CLVS1: variants seen among roughly 807,000 people sequenced by gnomAD.
The protein encoded by CLVS1 is clavesin 1.
In CLVS1, 10 loss-of-function variants were observed where a neutral mutation model predicts 33.1. That is an observed-to-expected ratio of 0.30 (90% confidence interval 0.19 to 0.51). CLVS1 has a LOEUF of 0.51. CLVS1 is among the 20% of genes least tolerant of loss of function. The pLI is 0.97. For synonymous variants in CLVS1, 163 were observed against 166.1 expected (o/e 0.98, Z 0.14); for missense variants, 343 against 433.4 (o/e 0.79, Z 1.85).
At chr8:61,321,856 G>A (rs1392669814) in intron 2 of CLVS1, among the ~76,000 whole-genome samples, 1 of 152,114 alleles carries the variant, frequency 6.6e-6, no homozygotes, top group Non-Finnish European at 1.5e-5. Flanking sequence ...TTGCTCTGCT[G>A]TCGTATTCTC....
chr8:61,348,019 T>G (rs1812299188), intron 2 of CLVS1, among the ~76,000 whole-genome samples: 1 of 151,794 alleles, frequency 6.6e-6, no homozygotes, highest in African/African-American at 2.4e-5. Flanking sequence ...AATACATTGT[T>G]ATTAACTATA....
intron 2 of CLVS1, among the ~76,000 whole-genome samples, chr8:61,211,266 G>T (rs771708187): frequency 1.2e-4 from 19 of 152,030 alleles, no homozygotes; most frequent in Non-Finnish European, 2.5e-4. Context: ...TAGAGATTCC[G>T]AGAATCCAAT....
chr8:60,995,462 A>T, the CLVS1 span, among the ~76,000 whole-genome samples: 11 of 152,226 alleles, frequency 7.2e-5, no homozygotes, highest in Non-Finnish European at 1.3e-4. Flanking sequence ...CCACAATGAG[A>T]TACCATCTCA....
chr8:61,346,095 ATAAG>A (rs1464194115), intron 2 of CLVS1, among the ~76,000 whole-genome samples: 1 of 152,236 alleles, frequency 6.6e-6, no homozygotes, highest in Non-Finnish European at 1.5e-5. Context: ...CCAAAAATAA[ATAAG>A]TAAATAAATA....
chr8:61,120,696 G>T (rs71525440), intron 1 of CLVS1, among the ~76,000 whole-genome samples: 29 of 142,140 alleles, frequency 2.0e-4, no homozygotes, highest in South Asian at 4.9e-4. Context: ...GGGGTCAGGG[G>T]TCAGGGACCC....
chr8:61,499,372 T>TAC, intron 5 of CLVS1, 83 bp from the exon 6 acceptor site: 2 of 714,582 alleles, frequency 2.8e-6, no homozygotes, highest in Non-Finnish European at 4.7e-6. Context: ...AAGAGAAATA[T>TAC]AAAATCCGGA....
intron 2 of CLVS1, among the ~76,000 whole-genome samples, chr8:61,132,034 G>A (rs1806109320): frequency 6.6e-6 from 1 of 152,234 alleles, no homozygotes; most frequent in Admixed American, 6.5e-5. Flanking sequence ...GGCACTTCCT[G>A]GGAGGTCATC....
At chr8:61,155,810 G>A (rs951142702) in intron 2 of CLVS1, among the ~76,000 whole-genome samples, 1 of 150,072 alleles carries the variant, frequency 6.7e-6, no homozygotes, top group Non-Finnish European at 1.5e-5. Flanking sequence ...AAGAAAAGGA[G>A]ACTAAAAGCC....
chr8:60,968,685 T>C, the CLVS1 span, among the ~76,000 whole-genome samples: 1 of 152,030 alleles, frequency 6.6e-6, no homozygotes, highest in Non-Finnish European at 1.5e-5. Flanking sequence ...GGCCAGGGGT[T>C]CGAGACCAGC....
chr8:61,158,929 T>G (rs1303501312), intron 2 of CLVS1, among the ~76,000 whole-genome samples: 1 of 152,232 alleles, frequency 6.6e-6, no homozygotes, highest in Non-Finnish European at 1.5e-5. Flanking sequence ...TGGGCCCAAG[T>G]GATCCTCCCA....
At chr8:61,091,156 T>G (rs990378129) in intron 1 of CLVS1, among the ~76,000 whole-genome samples, 5 of 152,160 alleles carry the variant, frequency 3.3e-5, no homozygotes, top group African/African-American at 1.2e-4. Flanking sequence ...ACAGGAGGGA[T>G]GCAGGAGGAG....
At chr8:61,050,320 G>A in the CLVS1 span, among the ~76,000 whole-genome samples, 1 of 152,040 alleles carries the variant, frequency 6.6e-6, no homozygotes, top group Non-Finnish European at 1.5e-5. Flanking sequence ...TTTCTGTCTG[G>A]GGGAGATGCA....
chr8:61,245,851 C>G (rs1459042104), intron 2 of CLVS1, among the ~76,000 whole-genome samples: 6 of 151,918 alleles, frequency 3.9e-5, no homozygotes. Flanking sequence ...TCATTGACAC[C>G]TTGACCTGCT....
At position 61,355,416 on chromosome 8, in the gene CLVS1, T is replaced by A. The variant is rs1394982769; in HGVS notation, c.456-21189T>A. Among the ~76,000 whole-genome samples the A allele has an allele frequency of 2.0e-5, 3 of 152,266 alleles. No individual in the cohort carries two copies. The East Asian group carries it at 5.8e-4, about 29-fold the overall frequency. On this transcript the variant is annotated intron_variant, in intron 2 of 5. Transcript: ENST00000325897. Reference sequence around the variant, plus strand: ...GTTTTTTACTATGGTCTTTTTCTTTTTTTTATTATTATTATACTTAAAGTT... The same window carrying A: ...GTTTTTTACTATGGTCTTTTTCTTTATTTTATTATTATTATACTTAAAGTT...
At chr8:61,075,762 G>A (rs2129281406) in intron 1 of CLVS1, among the ~76,000 whole-genome samples, 1 of 152,282 alleles carries the variant, frequency 6.6e-6, no homozygotes. Flanking sequence ...GCTGATACAA[G>A]GCTGGTACCA....
intron 2 of CLVS1, among the ~76,000 whole-genome samples, chr8:61,245,945 A>AT (rs58191589): frequency 0.11 from 16,868 of 150,266 alleles, 1,768 homozygotes; most frequent in African/African-American, 0.28. Context: ...TTAAAAAAAA[A>AT]TTTTTTTGGA....
intron 3 of CLVS1, among the ~76,000 whole-genome samples, chr8:61,444,519 A>G (rs1816682456): frequency 6.6e-6 from 1 of 152,220 alleles, no homozygotes; most frequent in East Asian, 1.9e-4. Context: ...TGTTAATATG[A>G]TGAATTACTA....
chr8:61,338,896 T>G lies in CLVS1; in HGVS notation c.456-37709T>G, dbSNP rs79785017. On this transcript the variant is annotated intron_variant, in intron 2 of 5. Transcript: ENST00000325897. ...GGAGCTCAGGCCCAGTGGCAACGCATGGACTAATTTACAGCCCCTCCCTTC... is the reference window on the plus strand; with the variant it reads ...GGAGCTCAGGCCCAGTGGCAACGCAGGGACTAATTTACAGCCCCTCCCTTC... Among the ~76,000 whole-genome samples, 170 of 152,162 alleles carry G rather than the reference T, an allele frequency of 1.1e-3. 1 individual carries two copies. In the Middle Eastern group the frequency reaches 0.014, roughly 12 times the overall value.
chr8:60,964,945 T>C, the CLVS1 span: 2 of 152,158 alleles, frequency 1.3e-5, no homozygotes, highest in African/African-American at 4.8e-5. Flanking sequence ...CCTGCCTTAC[T>C]CTGAGAGGGA....
Sources: allele counts gnomAD v4.1 joint callset (sites outside exome capture counted in the v4.1 genomes callset), GRCh38; gene constraint gnomAD v4.1.1; transcripts MANE v1.5; gene names NCBI Gene and HGNC (gene_info 2026-07-23, HGNC 2026-07-21).